MACROD2: variants seen among roughly 807,000 people sequenced by gnomAD.
The protein encoded by MACROD2 is ADP-ribose glycohydrolase MACROD2.
A neutral mutation model predicts 70.4 loss-of-function variants in MACROD2; 36 were observed. That is an observed-to-expected ratio of 0.51 (90% CI 0.39 to 0.68). MACROD2 has a LOEUF of 0.68. Among genes scored for constraint, MACROD2 ranks in the 30% least tolerant of loss-of-function variants. The pLI, the probability that MACROD2 is intolerant of heterozygous loss-of-function variation, is 0.00. For missense variants in MACROD2, 496 were observed against 538.4 expected, an observed-to-expected ratio of 0.92 and a Z score of 0.78; for synonymous variants, 172 against 178.8, an observed-to-expected ratio of 0.96 and a Z score of 0.30.
chr20:13,998,879 C>T (rs2052696509), intron 1 of MACROD2, among the ~76,000 whole-genome samples: 1 of 150,784 alleles, frequency 6.6e-6, no homozygotes, highest in Non-Finnish European at 1.5e-5. Flanking sequence ...CGCTTGAATC[C>T]AGGTGGGAGA....
intron 3 of MACROD2, among the ~76,000 whole-genome samples, chr20:14,251,584 G>A (rs570841349): frequency 1.2e-4 from 18 of 152,126 alleles, no homozygotes; most frequent in African/African-American, 4.3e-4. Context: ...AACTCATTAA[G>A]GATTTAATAA....
At chr20:14,823,167 T>G (rs2122213994) in intron 5 of MACROD2, among the ~76,000 whole-genome samples, 1 of 152,252 alleles carries the variant, frequency 6.6e-6, no homozygotes, top group African/African-American at 2.4e-5. Flanking sequence ...TCTTATGGGA[T>G]TCTAGGTCGT....
Position 15,904,000 on chromosome 20 carries a change from G to A in MACROD2, c.775+18189G>A, listed in dbSNP as rs79242049. On this transcript the variant is annotated intron_variant, in intron 10 of 17. Transcript: ENST00000684519. ...ATAGATGGGTGTTTTCATTCTCTCC[G>A]CCACTACTGAATCCAGAATAGAAGT... 4.9e-3 allele frequency among the ~76,000 whole-genome samples: 741 copies of A among 152,230 alleles called. 3 individuals are homozygous for A. Among genetic ancestry groups the A allele is most frequent in the African/African-American group, 0.017 (712 of 41,544 alleles).
intron 3 of MACROD2, among the ~76,000 whole-genome samples, chr20:14,125,690 T>A (rs937267985): frequency 6.6e-6 from 1 of 152,154 alleles, no homozygotes; most frequent in Non-Finnish European, 1.5e-5. Context: ...TATCATTTAA[T>A]GATGCATTAG....
chr20:14,783,084 T>C (rs2072321909), intron 5 of MACROD2, among the ~76,000 whole-genome samples: 1 of 152,132 alleles, frequency 6.6e-6, no homozygotes, highest in Non-Finnish European at 1.5e-5. Flanking sequence ...CCAAAGCACC[T>C]ATCTTGGAAT....
intron 5 of MACROD2, among the ~76,000 whole-genome samples, chr20:15,013,700 C>T (rs1334803599): frequency 1.3e-5 from 2 of 152,258 alleles, no homozygotes; most frequent in Non-Finnish European, 2.9e-5. Context: ...TCCCTCTGCC[C>T]ACTCCTGCTT....
At chr20:15,361,126 T>C (rs1008202194) in intron 6 of MACROD2, among the ~76,000 whole-genome samples, 3 of 152,160 alleles carry the variant, frequency 2.0e-5, no homozygotes, top group African/African-American at 7.2e-5. Context: ...GTCTAAGAAC[T>C]TTTCACAAGC....
chr20:14,106,095 A>G (rs1167094587), intron 3 of MACROD2, among the ~76,000 whole-genome samples: 2 of 152,202 alleles, frequency 1.3e-5, no homozygotes, highest in East Asian at 1.9e-4. Flanking sequence ...CAGAGGGGCC[A>G]CAGTGGGGTA....
At chr20:15,765,771 A>C (rs1437596929) in intron 8 of MACROD2, among the ~76,000 whole-genome samples, 1 of 151,806 alleles carries the variant, frequency 6.6e-6, no homozygotes, top group East Asian at 1.9e-4. Flanking sequence ...TGTGTAGATA[A>C]GATTGGTGAG....
At chr20:14,406,230 A>T (rs2083689386) in intron 3 of MACROD2, among the ~76,000 whole-genome samples, 1 of 152,188 alleles carries the variant, frequency 6.6e-6, no homozygotes, top group Non-Finnish European at 1.5e-5. Flanking sequence ...TGCATAAAAT[A>T]GCAGTAAATA....
chr20:14,423,454 C>T (rs989004423), intron 3 of MACROD2, among the ~76,000 whole-genome samples: 1 of 151,466 alleles, frequency 6.6e-6, no homozygotes, highest in African/African-American at 2.4e-5. Flanking sequence ...AATCCCAGCA[C>T]TTTGGGAGGC....
At chr20:15,315,690 T>TA (rs748881956) in intron 6 of MACROD2, among the ~76,000 whole-genome samples, 25 of 152,136 alleles carry the variant, frequency 1.6e-4, no homozygotes, top group Non-Finnish European at 2.9e-4. Context: ...TAGGAAATGT[T>TA]AAACAGAATT....
chr20:15,631,173 G>T (rs1389876154), intron 8 of MACROD2, among the ~76,000 whole-genome samples: 1 of 152,206 alleles, frequency 6.6e-6, no homozygotes, highest in Non-Finnish European at 1.5e-5. Flanking sequence ...CCACATGCGG[G>T]AGGGAAGAGG....
chr20:14,446,233 A>G (rs1288492797), intron 3 of MACROD2, among the ~76,000 whole-genome samples: 1 of 152,068 alleles, frequency 6.6e-6, no homozygotes, highest in African/African-American at 2.4e-5. Context: ...CATAATAGTA[A>G]TAGTATAAAT....
At chr20:15,654,863 A>G (rs1042074508) in intron 8 of MACROD2, among the ~76,000 whole-genome samples, 1 of 152,174 alleles carries the variant, frequency 6.6e-6, no homozygotes, top group Non-Finnish European at 1.5e-5. Context: ...TGTCCTTGTG[A>G]GTTGGGGCCC....
intron 4 of MACROD2, among the ~76,000 whole-genome samples, chr20:14,672,611 T>G (rs2070808140): frequency 6.6e-6 from 1 of 152,206 alleles, no homozygotes; most frequent in South Asian, 2.1e-4. Context: ...AGGCACTGTA[T>G]GAGCTAAGCA....
At position 15,229,962 on chromosome 20, in the gene MACROD2, A is replaced by T; in HGVS notation, c.441A>T (p.Pro147=). The T allele has an allele frequency of 6.2e-7, 1 of 1,613,772 alleles. No homozygotes were observed. Among genetic ancestry groups the T allele is most frequent in the Non-Finnish European group, 8.5e-7 (1 of 1,179,792 alleles). Residue 147 remains proline (P), a synonymous_variant, in exon 6 of 18, where the codon CCA becomes CCT. Transcript: ENST00000684519. ...PAKYVIHTVG[P]IARGHINGSH... is the part of the protein sequence containing the mutation. Reference sequence around the variant, plus strand: ...CAGATGTCATCCATACTGTAGGGCCAATAGCCAGGGGCCATATTAATGGTT... The same window carrying T: ...CAGATGTCATCCATACTGTAGGGCCTATAGCCAGGGGCCATATTAATGGTT...
chr20:14,612,718 C>T (rs1983243774), intron 4 of MACROD2, among the ~76,000 whole-genome samples: 1 of 151,956 alleles, frequency 6.6e-6, no homozygotes, highest in South Asian at 2.1e-4. Context: ...AAACAATAGT[C>T]TTAGGATCTA....
At chr20:14,873,910 G>C (rs1267960948) in intron 5 of MACROD2, among the ~76,000 whole-genome samples, 1 of 151,972 alleles carries the variant, frequency 6.6e-6, no homozygotes, top group African/African-American at 2.4e-5. Flanking sequence ...ATTTATTCAG[G>C]ATAGCATATT....
Sources: gnomAD v4.1 joint callset for allele counts (sites outside exome capture counted in the v4.1 genomes callset) on GRCh38, gnomAD v4.1.1 for gene constraint, MANE v1.5 for transcripts, NCBI Gene and HGNC (gene_info 2026-07-23, HGNC 2026-07-21) for gene names.